BCAN: variants seen among roughly 807,000 people sequenced by gnomAD.
The protein encoded by BCAN is brevican.
BCAN carries 51 observed loss-of-function variants against 92.4 expected under a neutral mutation model. That is an observed-to-expected ratio of 0.55 (90% CI 0.44 to 0.70). BCAN has a LOEUF of 0.70. Ranked by LOEUF, BCAN falls within the 30% of genes least tolerant of loss-of-function variation. BCAN has a pLI of 0.00. For missense variants in BCAN, 1,140 were observed against 1,212.1 expected (o/e 0.94, Z 0.88); for synonymous variants, 501 against 505.2 (o/e 0.99, Z 0.11).
Position 156,646,940 on chromosome 1 carries a change from C to G in BCAN, c.231C>G (p.Val77=). 1 of 1,612,748 alleles carries G rather than the reference C, an allele frequency of 6.2e-7. No homozygotes were observed. The highest frequency in any genetic ancestry group is 8.5e-7 in the Non-Finnish European group (1 of 1,179,596). ...SRRAVLGSPR[V]KWTFLSRGRE... ...GGGCTGTGCTGGGCTCTCCGCGGGT[C>G]AAGTGGACTTTCCTGTCCCGGGGCC... Residue 77 remains valine (V), a synonymous_variant, in exon 3 of 14, where the codon GTC becomes GTG. Coordinates refer to ENST00000329117, the MANE Select transcript of BCAN (RefSeq NM_021948.5).
In BCAN at chr1:156,652,609, C is replaced by T. The variant is rs994354668; in HGVS notation, c.1659C>T (p.Ser553=). 6.2e-7 allele frequency: 1 copy of T among 1,614,050 alleles called. No homozygotes were observed. The highest frequency in any genetic ancestry group is 8.5e-7 in the Non-Finnish European group (1 of 1,179,914). The part of the protein sequence containing the change: ...LPTPRERNLA[S]PSPSTLVEAR... The stretch of plus-strand genomic sequence containing the variant: ...CTCCCAGGGAGAGGAACCTAGCATC[C>T]CCATCACCTTCCACTCTGGTTGAGG... Residue 553 remains serine (S), a synonymous_variant, in exon 8 of 14, where the codon TCC becomes TCT. Coordinates refer to ENST00000329117, the MANE Select transcript of BCAN (RefSeq NM_021948.5).
intron 8 of BCAN, 60 bp downstream of exon 8, chr1:156,652,952 C>T (rs1190653220): frequency 6.3e-7 from 1 of 1,594,960 alleles, no homozygotes; most frequent in Non-Finnish European, 8.6e-7. Context: ...CCCCCTGCAG[C>T]TCTGGGTCAC....
At position 156,652,563 on chromosome 1, in the gene BCAN, C is replaced by T; in HGVS notation, c.1613C>T (p.Pro538Leu). 6.2e-7 allele frequency: 1 copy of T among 1,614,110 alleles called. No homozygotes were observed. ...TCCAGGCCTCCAAGGGTCCATGGACCACCTACTGAGACTCTGCCCACTCCC... is the reference window on the plus strand; with the variant it reads ...TCCAGGCCTCCAAGGGTCCATGGACTACCTACTGAGACTCTGCCCACTCCC... Reference protein sequence around the residue: ...EASRPPRVHGPPTETLPTPRE... With the variant: ...EASRPPRVHGLPTETLPTPRE... The change falls in exon 8 of 14, where the codon CCA (proline) becomes CTA (leucine). Residue 538 changes from proline (P) to leucine (L), a missense_variant. Physicochemically the swap from Pro to Leu is moderately conservative, Grantham distance 98. This residue lies in a region of BCAN where 825 missense variants were observed against 871.8 expected (regional missense o/e 0.95). Coordinates refer to ENST00000329117, the MANE Select transcript of BCAN (RefSeq NM_021948.5).
rs376015311 is a variant in BCAN at position 156,647,715 on chromosome 1, G to A, written c.641+33G>A. On this transcript the variant is annotated intron_variant, in intron 4 of 13. Coordinates refer to ENST00000329117, the MANE Select transcript of BCAN (RefSeq NM_021948.5). This position sits in a 1 kb window ranked among gnomAD's most constrained non-coding sequence, Gnocchi z 4.8. ...GGGGCTGTGGATTGGGGCTTCTATT[G>A]GCCCCTGAGGTGGCCATGGCCCCCC... 9 of 1,555,826 alleles carry A rather than the reference G, an allele frequency of 5.8e-6. No homozygotes were observed. The highest frequency in any genetic ancestry group is 3.8e-5 in the Admixed American group (2 of 53,024).
In BCAN at chr1:156,658,979, G is replaced by A. The variant is rs1453021449; in HGVS notation, c.2629-48G>A. The A allele has an allele frequency of 6.7e-7, 1 of 1,496,986 alleles. No individual in the cohort carries two copies. The highest frequency in any genetic ancestry group is 9.1e-7 in the Non-Finnish European group (1 of 1,096,118). 92.7% of individuals were successfully genotyped at this position (1,496,986 alleles called of 1,614,324 possible). ...AACATCAGAGGGCAGGCTCTGAGGA[G>A]AGGAGAAGGAAGAGCCAGGGTGGAG... On this transcript the variant is annotated intron_variant, in intron 13 of 13. Coordinates refer to ENST00000329117, the MANE Select transcript of BCAN (RefSeq NM_021948.5). This position sits in a 1 kb window ranked among gnomAD's most constrained non-coding sequence, Gnocchi z 4.4.
chr1:156,646,986 G>C lies in BCAN; in HGVS notation c.277G>C (p.Ala93Pro). The change falls in exon 3 of 14, where the codon GCG becomes CCG. Residue 93 changes from alanine to proline, a missense_variant. Ala to Pro is a conservative substitution (Grantham distance 27). Transcript: ENST00000329117. ...SRGREAEVLV[A>P]RGVRVKVNEA... ...GGGCCGGGAGGCAGAGGTGCTGGTG[G>C]CGCGGGGAGTGCGCGTCAAGGTGAA... 6.2e-7 allele frequency: 1 copy of C among 1,612,984 alleles called. No individual in the cohort carries two copies. The highest frequency in any genetic ancestry group is 2.2e-5 in the East Asian group (1 of 44,864).
At chr1:156,645,172 T>TCC (rs5777996) in intron 1 of BCAN, among the ~76,000 whole-genome samples, 43 of 151,562 alleles carry the variant, frequency 2.8e-4, no homozygotes, top group South Asian at 6.3e-4. Flanking sequence ...CCATTTATTC[T>TCC]CCCCCCCCTT....
Position 156,658,829 on chromosome 1 carries a change from C to A in BCAN, c.2628+96C>A. 6.5e-7 allele frequency: 1 copy of A among 1,538,032 alleles called. No homozygotes were observed. The highest frequency in any genetic ancestry group is 1.2e-5 in the South Asian group (1 of 86,564). On this transcript the variant is annotated intron_variant, in intron 13 of 13. Transcript: ENST00000329117. This position sits in a 1 kb window ranked among gnomAD's most constrained non-coding sequence, Gnocchi z 4.4. ...TCCTGCCTGTCACTGGCCATGTGAC[C>A]TTGGAGCCATCACTGCCCCTCTCTG...
intron 8 of BCAN, chr1:156,653,191 C>A: frequency 1.8e-5 from 24 of 1,365,898 alleles, no homozygotes; most frequent in Non-Finnish European, 2.3e-5. Flanking sequence ...CCCCACAGAG[C>A]ATCCTCAGGC....
chr1:156,646,001 A>C (rs374332474), intron 1 of BCAN, 46 bp from the exon 2 acceptor site: 1 of 1,540,084 alleles, frequency 6.5e-7, no homozygotes, highest in Non-Finnish European at 8.9e-7. Context: ...GGGGAAGTCC[A>C]TCCTGAAGTC....
Position 156,647,402 on chromosome 1 carries a change from C to T in BCAN, c.467-106C>T. ...AGTCCCTCATGCTGTAGAGTGAGCA[C>T]AATTGAACTTTATTTACCCTTGTGT... On this transcript the variant is annotated intron_variant, in intron 3 of 13. Coordinates refer to ENST00000329117, the MANE Select transcript of BCAN (RefSeq NM_021948.5). This position sits in a 1 kb window ranked among gnomAD's most constrained non-coding sequence, Gnocchi z 4.8. The T allele has an allele frequency of 7.9e-7, 1 of 1,268,572 alleles. No individual in the cohort carries two copies. The highest frequency in any genetic ancestry group is 2.4e-5 in the East Asian group (1 of 41,868). 78.6% of individuals were successfully genotyped at this position (1,268,572 alleles called of 1,614,324 possible). A position where few individuals can be genotyped will look rare whatever the true frequency, so the allele number is the denominator to read the frequency against.
chr1:156,647,707 C>T lies in BCAN; in HGVS notation c.641+25C>T. On this transcript the variant is annotated intron_variant, in intron 4 of 13. Coordinates refer to ENST00000329117, the MANE Select transcript of BCAN (RefSeq NM_021948.5). The surrounding 1 kb of genome is among the most constrained non-coding windows in gnomAD (Gnocchi z 4.8). Reference sequence around the variant, plus strand: ...GGTGGGCAGGGGCTGTGGATTGGGGCTTCTATTGGCCCCTGAGGTGGCCAT... The same window carrying T: ...GGTGGGCAGGGGCTGTGGATTGGGGTTTCTATTGGCCCCTGAGGTGGCCAT... The T allele has an allele frequency of 1.3e-6, 2 of 1,564,658 alleles. No individual in the cohort carries two copies. The highest frequency in any genetic ancestry group is 8.7e-7 in the Non-Finnish European group (1 of 1,153,352).
chr1:156,651,548 A>G lies in BCAN; in HGVS notation c.1156A>G (p.Thr386Ala), dbSNP rs1179570342. 2.4e-5 allele frequency: 38 copies of G among 1,613,790 alleles called. No homozygotes were observed. The highest frequency in any genetic ancestry group is 3.2e-5 in the Non-Finnish European group (38 of 1,179,978). ...AGAGGCTATCGTCACAGTGACAGAG[A>G]CCCTGGAGGAACTGCAGCTGCCTCA... Reference protein sequence around the residue: ...GLEAIVTVTETLEELQLPQEA... With the variant: ...GLEAIVTVTEALEELQLPQEA... The change falls in exon 7 of 14, where the codon ACC becomes GCC. Residue 386 changes from threonine (T) to alanine (A), a missense_variant. By Grantham distance (58) the Thr-to-Ala change is moderately conservative. Around this residue, in one of 3 missense-constraint regions of BCAN, gnomAD observed 825 missense variants for 871.8 expected, o/e 0.95. Coordinates refer to ENST00000329117, the MANE Select transcript of BCAN (RefSeq NM_021948.5).
Position 156,658,437 on chromosome 1 carries a change from T to C in BCAN, c.2438-106T>C. 1 of 1,480,444 alleles carries C rather than the reference T, an allele frequency of 6.8e-7. No homozygotes were observed. 91.7% of individuals were successfully genotyped at this position (1,480,444 alleles called of 1,614,324 possible). A position where few individuals can be genotyped will look rare whatever the true frequency, so the allele number is the denominator to read the frequency against. On this transcript the variant is annotated intron_variant, in intron 12 of 13. Coordinates refer to ENST00000329117, the MANE Select transcript of BCAN (RefSeq NM_021948.5). The surrounding 1 kb of genome is among the most constrained non-coding windows in gnomAD (Gnocchi z 4.4). Reference sequence around the variant, plus strand: ...GTTACGTGGGTCCACTCGGAATCCCTGATCTTTTTTTGTCATGTTGTGGCC... The same window carrying C: ...GTTACGTGGGTCCACTCGGAATCCCCGATCTTTTTTTGTCATGTTGTGGCC...
chr1:156,646,473 G>T, intron 2 of BCAN: 1 of 497,788 alleles, frequency 2.0e-6, no homozygotes, highest in Non-Finnish European at 3.5e-6. Context: ...TGGGCTGGAG[G>T]ACTCAGGGGG....
intron 1 of BCAN, 70 bp from the exon 2 acceptor site, chr1:156,645,977 T>C: frequency 7.5e-7 from 1 of 1,340,394 alleles, no homozygotes; most frequent in Non-Finnish European, 1.0e-6. Context: ...CACATGGGTG[T>C]GGTAGGGAGC....
Position 156,659,089 on chromosome 1 carries a change from G to A in BCAN, c.2691G>A (p.Trp897Ter), listed in dbSNP as rs1180967902. Residue 897 changes from tryptophan (W) to a stop codon, truncating the protein, a stop_gained, in exon 14 of 14, where the codon TGG becomes TGA. Transcript: ENST00000329117. LOFTEE classifies it low-confidence loss of function (END_TRUNC). ...GTCAGGGGAGGCTACTGGGACGCTG[G>A]AAGGCGCTGTTGATCCCCCCTTCCA... Reference protein sequence around the residue: ...EGRQGRLLGRWKALLIPPSSP... With the variant: ...EGRQGRLLGR The A allele has an allele frequency of 6.3e-7, 1 of 1,596,724 alleles. No homozygotes were observed.
At position 156,647,411 on chromosome 1, in the gene BCAN, T is replaced by C; in HGVS notation, c.467-97T>C. The C allele has an allele frequency of 7.5e-7, 1 of 1,326,552 alleles. No homozygotes were observed. Among genetic ancestry groups the C allele is most frequent in the Non-Finnish European group, 1.0e-6 (1 of 971,632 alleles). 82.2% of individuals were successfully genotyped at this position (1,326,552 alleles called of 1,614,324 possible). On this transcript the variant is annotated intron_variant, in intron 3 of 13. Coordinates refer to ENST00000329117, the MANE Select transcript of BCAN (RefSeq NM_021948.5). The surrounding 1 kb of genome is among the most constrained non-coding windows in gnomAD (Gnocchi z 4.8). The stretch of plus-strand genomic sequence containing the variant: ...TGCTGTAGAGTGAGCACAATTGAAC[T>C]TTATTTACCCTTGTGTACAGAGGAG...
rs1679404258 is a variant in BCAN at position 156,658,213 on chromosome 1, A to G, written c.2379A>G (p.Gly793=). The G allele has an allele frequency of 6.2e-7, 1 of 1,614,074 alleles. No individual in the cohort carries two copies. The highest frequency in any genetic ancestry group is 8.5e-7 in the Non-Finnish European group (1 of 1,179,998). The change falls in exon 12 of 14, where the codon GGA becomes GGG. Residue 793 remains glycine (G), a synonymous_variant. Transcript: ENST00000329117. This position sits in a 1 kb window ranked among gnomAD's most constrained non-coding sequence, Gnocchi z 4.4. ...TGGTCATGGTGTGGCATGATCAGGG[A>G]CAATGGAGTGACGTGCCCTGCAACT... ...NCVVMVWHDQ[G]QWSDVPCNYH... is the part of the protein sequence containing the mutation.
Sources: allele counts gnomAD v4.1 joint callset (sites outside exome capture counted in the v4.1 genomes callset), GRCh38; gene constraint gnomAD v4.1.1; regional missense constraint gnomAD v4.1.1; non-coding constraint Gnocchi (gnomAD v3.1); transcripts MANE v1.5; gene names NCBI Gene and HGNC (gene_info 2026-07-23, HGNC 2026-07-21).